GDF5: variants seen among roughly 807,000 people sequenced by gnomAD.
GDF5 encodes the protein growth/differentiation factor 5.
In GDF5, 17 loss-of-function variants were observed where a neutral mutation model predicts 34.6. The ratio of observed to expected loss-of-function variants is 0.49; its 90% CI spans 0.34 to 0.74. The LOEUF (loss-of-function observed/expected upper bound fraction) is 0.74. GDF5 is among the 30% of genes least tolerant of loss of function. GDF5 has a pLI of 0.01. For synonymous variants in GDF5, 332 were observed against 290.7 expected (o/e 1.14, Z -1.44); for missense variants, 616 against 661.2 (o/e 0.93, Z 0.75).
intron 1 of GDF5, among the ~76,000 whole-genome samples, chr20:35,453,689 A>C (rs1453947754): frequency 6.6e-6 from 1 of 152,162 alleles, no homozygotes; most frequent in Non-Finnish European, 1.5e-5. Context: ...TCTATTTCTC[A>C]AATTAGCTAT....
intron 1 of GDF5, among the ~76,000 whole-genome samples, chr20:35,444,278 AAAATT>A (rs2062507250): frequency 6.6e-6 from 1 of 152,232 alleles, no homozygotes; most frequent in Admixed American, 6.5e-5. Flanking sequence ...GCTGTGAAGA[AAAATT>A]AAGCAGGGTC....
At chr20:35,447,676 A>G (rs2062518261) in intron 1 of GDF5, among the ~76,000 whole-genome samples, 1 of 152,370 alleles carries the variant, frequency 6.6e-6, no homozygotes, top group South Asian at 2.1e-4. Flanking sequence ...TCATGATTTT[A>G]AAAATTCAAA....
At chr20:35,450,376 C>T (rs932599645) in intron 1 of GDF5, among the ~76,000 whole-genome samples, 3 of 151,904 alleles carry the variant, frequency 2.0e-5, no homozygotes, top group African/African-American at 7.3e-5. Context: ...AGACTGTTAC[C>T]TTGCAGTGAG....
rs1160189402 is a variant in GDF5 at position 35,437,702 on chromosome 20, G to A, written c.227C>T (p.Ala76Val). Residue 76 changes from alanine (A) to valine (V), a missense_variant, in exon 1 of 2, where the codon GCA (alanine) becomes GTA (valine). Coordinates refer to ENST00000374369, the MANE Select transcript of GDF5 (RefSeq NM_000557.5). ...GGGATNANARAKGGTGQTGGL... is the reference protein window; with the variant it reads ...GGGATNANARVKGGTGQTGGL... ...TCCTGTCTGCCCGGTGCCTCCCTTT[G>A]CCCTGGCATTGGCATTGGTGGCCCC... 2 of 1,614,000 alleles carry A rather than the reference G, an allele frequency of 1.2e-6. No individual in the cohort carries two copies. Among genetic ancestry groups the A allele is most frequent in the East Asian group, 2.2e-5 (1 of 44,856 alleles).
At position 35,437,511 on chromosome 20, in the gene GDF5, C is replaced by A; in HGVS notation, c.418G>T (p.Val140Phe). ...GGKAPPKAGS[V>F]PSSFLLKKAR... ...TTCTTCAGCAGGAAGGAGCTGGGGA[C>A]AGATCCTGCTTTTGGGGGTGCCTTG... The change falls in exon 1 of 2, where the codon GTC becomes TTC. Residue 140 changes from valine to phenylalanine, a missense_variant. Val to Phe is a conservative substitution (Grantham distance 50, BLOSUM62 -1). Coordinates refer to ENST00000374369, the MANE Select transcript of GDF5 (RefSeq NM_000557.5). 1 of 1,614,130 alleles carries A rather than the reference C, an allele frequency of 6.2e-7. No homozygotes were observed. The highest frequency in any genetic ancestry group is 8.5e-7 in the Non-Finnish European group (1 of 1,180,014).
chr20:35,453,031 C>T (rs2062539430), intron 1 of GDF5, among the ~76,000 whole-genome samples: 1 of 151,988 alleles, frequency 6.6e-6, no homozygotes, highest in African/African-American at 2.4e-5. Flanking sequence ...GGGCGGATCA[C>T]GAGGTCAGGA....
At chr20:35,435,160 A>C in intron 1 of GDF5, 1 of 512,768 alleles carries the variant, frequency 2.0e-6, no homozygotes. Context: ...CATTAAAATT[A>C]CTCCTGTTGA....
rs553655935 is a variant in GDF5 at position 35,433,522 on chromosome 20, A to G, written c.*387T>C. 22 of 348,400 alleles carry G rather than the reference A, an allele frequency of 6.3e-5. No individual in the cohort carries two copies. The East Asian group carries it at 1.3e-3, about 20-fold the overall frequency. The allele number at this position is 348,400 out of a possible 1,614,324, so 21.6% of individuals were successfully genotyped here. On this transcript the variant is annotated 3_prime_UTR_variant, in exon 2 of 2. Transcript: ENST00000374369. ...CACCAGGCACAAATGTGATTTGAGG[A>G]GGCAGTGGCACCTGTGGCTCTCCTG...
Position 35,438,172 on chromosome 20 carries a change from G to A in GDF5, c.-244C>T. 3.5e-6 allele frequency: 2 copies of A among 570,814 alleles called. No individual in the cohort carries two copies. The highest frequency in any genetic ancestry group is 6.3e-6 in the Non-Finnish European group (2 of 319,380). The allele number at this position is 570,814 out of a possible 1,614,324, so 35.4% of individuals were successfully genotyped here. A position where few individuals can be genotyped will look rare whatever the true frequency, so the allele number is the denominator to read the frequency against. Reference sequence around the variant, plus strand: ...CGTGCACCGTCTCCAGTCAGCAGCTGAAAATAACTCGTTCTTGAAAGGAGA... The same window carrying A: ...CGTGCACCGTCTCCAGTCAGCAGCTAAAAATAACTCGTTCTTGAAAGGAGA... On this transcript the variant is annotated 5_prime_UTR_variant, in exon 1 of 2. Coordinates refer to ENST00000374369, the MANE Select transcript of GDF5 (RefSeq NM_000557.5).
chr20:35,441,159 T>C (rs2062496322), upstream of GDF5: 1 of 152,196 alleles, frequency 6.6e-6, no homozygotes. Flanking sequence ...GTTCTGCTAT[T>C]TATGTATTGT....
At chr20:35,434,940 C>G (rs760344127) in intron 1 of GDF5, 157 bp from the exon 2 acceptor site, 1 of 810,436 alleles carries the variant, frequency 1.2e-6, no homozygotes, top group East Asian at 2.5e-5. Flanking sequence ...CCACTGAGAG[C>G]CTTTTTGAAA....
rs1422110177 is a variant in GDF5, at chr20:35,434,860, C to T, written c.632-77G>A. ...TCACTTCGAGGCTGCGGGGGAAGGC[C>T]CCAGCTCTCTCCCAGTCCAGAGAGC... is the stretch of plus-strand genomic sequence containing the variant. On this transcript the variant is annotated intron_variant, in intron 1 of 1. Transcript: ENST00000374369. 2.8e-6 allele frequency: 4 copies of T among 1,452,686 alleles called. No homozygotes were observed. In the South Asian group the frequency reaches 4.5e-5, roughly 17 times the overall value. The allele number at this position is 1,452,686 out of a possible 1,614,324, so 90.0% of individuals were successfully genotyped here. A position where few individuals can be genotyped will look rare whatever the true frequency, so the allele number is the denominator to read the frequency against.
At position 35,434,669 on chromosome 20, in the gene GDF5, G is replaced by C; in HGVS notation, c.746C>G (p.Thr249Arg). The stretch of plus-strand genomic sequence containing the variant: ...GCCTCCGGGGGCCGCTGGCTTGGCC[G>C]TGTCCGAGGGCTTCTTCCGCAAGAT... ...LRILRKKPSD[T>R]AKPAAPGGGR... The change falls in exon 2 of 2, where the codon ACG (threonine) becomes AGG (arginine). Residue 249 changes from threonine (T) to arginine (R), a missense_variant. Physicochemically the swap from Thr to Arg is moderately conservative, Grantham distance 71 (BLOSUM62 -1). Transcript: ENST00000374369. 1 of 1,612,304 alleles carries C rather than the reference G, an allele frequency of 6.2e-7. No homozygotes were observed. Among genetic ancestry groups the C allele is most frequent in the South Asian group, 1.1e-5 (1 of 91,058 alleles).
chr20:35,438,309 T>G (rs965734231), upstream of GDF5: 3 of 276,664 alleles, frequency 1.1e-5, no homozygotes, highest in African/African-American at 6.6e-5. Flanking sequence ...GCCTGTGTGC[T>G]CCAGTTTTTT....
chr20:35,452,561 T>G (rs1056959483), intron 1 of GDF5, among the ~76,000 whole-genome samples: 2 of 152,292 alleles, frequency 1.3e-5, no homozygotes, highest in African/African-American at 4.8e-5. Flanking sequence ...TAGCTGGGAT[T>G]ACAGGCATGC....
chr20:35,448,413 A>AAT lies in GDF5; in HGVS notation c.-398+6225_-398+6226dup, dbSNP rs1213425473. Among the ~76,000 whole-genome samples the AAT allele has an allele frequency of 7.6e-3, 737 of 96,410 alleles. 11 individuals carry two copies. Among genetic ancestry groups the AAT allele is most frequent in the Middle Eastern group, 0.018 (2 of 110 alleles). 63.2% of individuals were successfully genotyped at this position (96,410 alleles called of 152,430 possible). On this transcript the variant is annotated intron_variant, in intron 1 of 3. Coordinates refer to the GDF5 transcript ENST00000374372. The stretch of plus-strand genomic sequence containing the variant: ...TGTTTTTTTCAAAAAAAAAAAAAAA[A>AAT]ATATATATATATATATAGTTAAGGG...
rs186262408 is a variant in GDF5, at chr20:35,433,638, C to T, written c.*271G>A. ...CATCGGAAAGCACTGTTTCCTGGGA[C>T]TCAGTCCCATTCAGAGTCTGTCTCC... On this transcript the variant is annotated 3_prime_UTR_variant, in exon 2 of 2. Transcript: ENST00000374369. The T allele has an allele frequency of 1.9e-6, 1 of 516,856 alleles. No individual in the cohort carries two copies. The highest frequency in any genetic ancestry group is 1.9e-5 in the African/African-American group (1 of 52,174). 32.0% of individuals were successfully genotyped at this position (516,856 alleles called of 1,614,324 possible).
At chr20:35,448,591 A>C (rs1349771483) in intron 1 of GDF5, among the ~76,000 whole-genome samples, 1 of 151,556 alleles carries the variant, frequency 6.6e-6, no homozygotes, top group Non-Finnish European at 1.5e-5. Flanking sequence ...TCACAGGTGC[A>C]CGACACCAGG....
chr20:35,443,501 G>GATTATTATTATT (rs34581704), intron 1 of GDF5, among the ~76,000 whole-genome samples: 14 of 150,024 alleles, frequency 9.3e-5, no homozygotes, highest in Admixed American at 3.3e-4. Context: ...CAGTTGGCCA[G>GATTATTATTATT]ATTATTATTA....
Sources: gnomAD v4.1 joint callset for allele counts (sites outside exome capture counted in the v4.1 genomes callset) on GRCh38, gnomAD v4.1.1 for gene constraint, MANE v1.5 for transcripts, NCBI Gene and HGNC (gene_info 2026-07-23, HGNC 2026-07-21) for gene names.